The following KLF13 variants were observed in gnomAD, a reference collection of about 807,000 sequenced individuals.
The protein encoded by KLF13 is Krueppel-like factor 13.
KLF13 carries 8 observed loss-of-function variants against 16.7 expected under a neutral mutation model. The ratio of observed to expected loss-of-function variants is 0.48; its 90% CI spans 0.28 to 0.87. KLF13 has a LOEUF of 0.87. Ranked by LOEUF, KLF13 falls within the 40% of genes least tolerant of loss-of-function variation. The pLI is 0.10. For missense variants in KLF13, 447 were observed against 452.2 expected, an observed-to-expected ratio of 0.99 and a Z score of 0.10; for synonymous variants, 245 against 208.4, an observed-to-expected ratio of 1.18 and a Z score of -1.51.
chr15:31,339,890 G>T, intron 1 of KLF13: 1 of 697,246 alleles, frequency 1.4e-6, no homozygotes, highest in Non-Finnish European at 2.6e-6. Flanking sequence ...GGGCTCTCGT[G>T]CAGGCCTGAC....
chr15:31,385,592 A>G (rs2039786286), intron 1 of KLF13, among the ~76,000 whole-genome samples: 1 of 152,216 alleles, frequency 6.6e-6, no homozygotes, highest in South Asian at 2.1e-4. Context: ...GTGATCTGTG[A>G]TCAGTGATCT....
chr15:31,355,964 C>G (rs187431999), intron 1 of KLF13, among the ~76,000 whole-genome samples: 108 of 152,246 alleles, frequency 7.1e-4, no homozygotes, highest in African/African-American at 2.3e-3. Flanking sequence ...CCCCTGCCAT[C>G]TGCTTCTTGG....
At position 31,372,031 on chromosome 15, in the gene KLF13, G is replaced by T. The variant is rs1266127501; in HGVS notation, c.599G>T (p.Ser200Ile). 3.1e-6 allele frequency: 5 copies of T among 1,608,824 alleles called. No homozygotes were observed. Among genetic ancestry groups the T allele is most frequent in the Non-Finnish European group, 4.2e-6 (5 of 1,178,202 alleles). ...THTGERPFAC[S>I]WQDCNKKFAR... Reference sequence around the variant, plus strand: ...ACAGGTGAGAGGCCCTTCGCCTGCAGCTGGCAGGACTGCAACAAGAAGTTC... The same window carrying T: ...ACAGGTGAGAGGCCCTTCGCCTGCATCTGGCAGGACTGCAACAAGAAGTTC... The change falls in exon 2 of 2, where the codon AGC (serine) becomes ATC (isoleucine). Residue 200 changes from serine (S) to isoleucine (I), a missense_variant. Ser to Ile is a moderately radical substitution (Grantham distance 142, BLOSUM62 -2). Around this residue, in one of 2 missense-constraint regions of KLF13, gnomAD observed 88 missense variants for 169.5 expected, o/e 0.52. Transcript: ENST00000307145.
rs76656284 is a variant in KLF13 at position 31,403,010 on chromosome 15, A to T, written n.530-418A>T. ...CAGGTCCCTTGGGGCCCAGCAGGAA[A>T]AATGGATGCCAGGAAGGGCATGCTA... On this transcript the variant is annotated intron_variant and non_coding_transcript_variant, in intron 2 of 2. Coordinates refer to the KLF13 transcript ENST00000500533. Among the ~76,000 whole-genome samples the T allele has an allele frequency of 6.2e-4, 95 of 152,300 alleles. 1 individual carries two copies. In the East Asian group the frequency reaches 0.014, roughly 22 times the overall value.
chr15:31,407,973 AG>A (rs1241486905), downstream of KLF13, among the ~76,000 whole-genome samples: 1 of 152,232 alleles, frequency 6.6e-6, no homozygotes, highest in African/African-American at 2.4e-5. Flanking sequence ...TACTAAGGTT[AG>A]GAACAAGGCA....
At chr15:31,343,690 CTGT>C (rs964190762) in intron 1 of KLF13, among the ~76,000 whole-genome samples, 5 of 152,164 alleles carry the variant, frequency 3.3e-5, no homozygotes, top group African/African-American at 7.2e-5. Context: ...CTTAAACTGC[CTGT>C]TGTTGTTAAG....
chr15:31,422,819 G>T (rs939156931), intron 1 of KLF13, among the ~76,000 whole-genome samples: 90 of 152,128 alleles, frequency 5.9e-4, no homozygotes, highest in African/African-American at 1.7e-3. Context: ...CTGATCACCT[G>T]TGGACAGGAG....
At chr15:31,388,432 A>G (rs1042228829), upstream of KLF13, among the ~76,000 whole-genome samples, 1 of 151,996 alleles carries the variant, frequency 6.6e-6, no homozygotes, top group Admixed American at 6.6e-5. Flanking sequence ...ACCAACATGG[A>G]GAAACCCTGT....
chr15:31,381,000 C>G (rs533127786), downstream of KLF13, among the ~76,000 whole-genome samples: 16 of 152,068 alleles, frequency 1.1e-4, no homozygotes, highest in Non-Finnish European at 2.2e-4. Context: ...CATGAAACCC[C>G]ATCCCCACTA....
At chr15:31,347,318 G>C (rs991584361) in intron 1 of KLF13, among the ~76,000 whole-genome samples, 1 of 152,196 alleles carries the variant, frequency 6.6e-6, no homozygotes, top group Non-Finnish European at 1.5e-5. Flanking sequence ...GGTGCTCGTG[G>C]TGGGGAAGGG....
downstream of KLF13, among the ~76,000 whole-genome samples, chr15:31,379,945 G>T (rs1318726224): frequency 6.6e-6 from 1 of 152,152 alleles, no homozygotes; most frequent in Non-Finnish European, 1.5e-5. Context: ...GAGGGCGGAG[G>T]TGCACTCCCT....
intron 1 of KLF13, among the ~76,000 whole-genome samples, chr15:31,355,376 G>A (rs537297927): frequency 3.2e-4 from 49 of 152,310 alleles, no homozygotes; most frequent in African/African-American, 1.1e-3. Context: ...CTGGACTGCC[G>A]AGAGCAGTAT....
chr15:31,357,035 T>C (rs2039311342), intron 1 of KLF13, among the ~76,000 whole-genome samples: 1 of 152,252 alleles, frequency 6.6e-6, no homozygotes, highest in Non-Finnish European at 1.5e-5. Context: ...TTTTCCCTCT[T>C]ACCCATCCAT....
At chr15:31,421,079 A>G (rs2040316959) in intron 1 of KLF13, among the ~76,000 whole-genome samples, 1 of 152,172 alleles carries the variant, frequency 6.6e-6, no homozygotes. Context: ...CTGTATCTTC[A>G]GCTGTGGTAT....
intron 1 of KLF13, among the ~76,000 whole-genome samples, chr15:31,368,890 A>C (rs2140964093): frequency 6.6e-6 from 1 of 152,248 alleles, no homozygotes; most frequent in East Asian, 1.9e-4. Context: ...CTTGCAACAA[A>C]AAAAATCCTC....
intron 1 of KLF13, among the ~76,000 whole-genome samples, chr15:31,410,346 G>A (rs1040097076): frequency 1.3e-5 from 2 of 150,536 alleles, no homozygotes; most frequent in African/African-American, 2.5e-5. Context: ...AAGTACAGAG[G>A]GACCAAAAAG....
Position 31,334,014 on chromosome 15 carries a change from C to T in KLF13, c.577+6225C>T, listed in dbSNP as rs569400292. On this transcript the variant is annotated intron_variant, in intron 1 of 1. Transcript: ENST00000307145. Reference sequence around the variant, plus strand: ...TGCAGGATCACATGGTTAAGGTGGGCGGCCAGGCTCAGCCCCTTCTGTCCA... The same window carrying T: ...TGCAGGATCACATGGTTAAGGTGGGTGGCCAGGCTCAGCCCCTTCTGTCCA... Among the ~76,000 whole-genome samples the T allele has an allele frequency of 1.6e-4, 25 of 152,172 alleles. No individual in the cohort carries two copies. The East Asian group carries it at 3.9e-3, about 23-fold the overall frequency.
intron 2 of KLF13, among the ~76,000 whole-genome samples, chr15:31,396,947 G>C (rs574949904): frequency 3.9e-5 from 6 of 152,094 alleles, no homozygotes; most frequent in Non-Finnish European, 8.8e-5. Flanking sequence ...AACAAGGACA[G>C]CTTGGAGGTT....
intron 1 of KLF13, among the ~76,000 whole-genome samples, chr15:31,428,561 C>CT (rs1263627775): frequency 6.6e-6 from 1 of 151,964 alleles, no homozygotes; most frequent in Non-Finnish European, 1.5e-5. Flanking sequence ...CATCCCAGCA[C>CT]TTTGGGAGTC....
Sources: gnomAD v4.1 joint callset for allele counts (sites outside exome capture counted in the v4.1 genomes callset) on GRCh38, gnomAD v4.1.1 for gene constraint, gnomAD v4.1.1 regional missense constraint, MANE v1.5 for transcripts, NCBI Gene and HGNC (gene_info 2026-07-23, HGNC 2026-07-21) for gene names.